The following SEMA3A variants were observed in gnomAD, a reference collection of about 807,000 sequenced individuals.
The protein encoded by SEMA3A is semaphorin-3A.
A neutral mutation model predicts 97.9 loss-of-function variants in SEMA3A; 29 were observed. The ratio of observed to expected loss-of-function variants is 0.30; its 90% CI spans 0.22 to 0.40. SEMA3A has a LOEUF of 0.40. Ranked by LOEUF, SEMA3A falls within the 10% of genes least tolerant of loss-of-function variation. SEMA3A has a pLI of 1.00. For synonymous variants in SEMA3A, 321 were observed against 323.7 expected, an observed-to-expected ratio of 0.99 and a Z score of 0.09; for missense variants, 763 against 951.3, an observed-to-expected ratio of 0.80 and a Z score of 2.60.
At chr7:84,069,593 T>C (rs1793666044) in intron 4 of SEMA3A, among the ~76,000 whole-genome samples, 1 of 152,090 alleles carries the variant, frequency 6.6e-6, no homozygotes, top group African/African-American at 2.4e-5. Flanking sequence ...GATGAGAAGA[T>C]AATTGAAAAG....
intron 7 of SEMA3A, among the ~76,000 whole-genome samples, chr7:84,013,231 C>G (rs1265249657): frequency 2.0e-5 from 3 of 152,152 alleles, no homozygotes; most frequent in Non-Finnish European, 4.4e-5. Context: ...TGCAGGAATA[C>G]TGCACTAGGC....
chr7:84,054,307 T>A (rs1332582135), intron 5 of SEMA3A, among the ~76,000 whole-genome samples: 1 of 152,262 alleles, frequency 6.6e-6, no homozygotes, highest in Non-Finnish European at 1.5e-5. Context: ...CTGCAGAGTG[T>A]TTTCCAACTT....
chr7:84,386,160 T>A (rs907294315), intron 1 of SEMA3A, among the ~76,000 whole-genome samples: 4 of 152,172 alleles, frequency 2.6e-5, no homozygotes, highest in Non-Finnish European at 5.9e-5. Context: ...TAAAATAACA[T>A]CTCACTTCTG....
At chr7:84,276,121 A>T (rs1195426207) in intron 3 of SEMA3A, among the ~76,000 whole-genome samples, 1 of 152,008 alleles carries the variant, frequency 6.6e-6, no homozygotes, top group African/African-American at 2.4e-5. Flanking sequence ...CTTGATATTT[A>T]CCCAACATCT....
intron 11 of SEMA3A, among the ~76,000 whole-genome samples, chr7:84,003,097 G>C (rs1486815933): frequency 1.3e-5 from 2 of 151,968 alleles, no homozygotes; most frequent in South Asian, 2.1e-4. Context: ...TGTCAACAAA[G>C]AATAAATTAT....
rs565194890 is a variant in SEMA3A at position 84,394,878 on chromosome 7, G to C, written c.-245-22978C>G. ...GGAAATAAATTAAAGCATTCACAAA[G>C]GTTAGAAACAGTGAAAGTGCAATCT... On this transcript the variant is annotated intron_variant, in intron 1 of 3. Transcript: ENST00000424555. Among the ~76,000 whole-genome samples, 9 of 152,140 alleles carry C rather than the reference G, an allele frequency of 5.9e-5. No individual in the cohort carries two copies. The South Asian group carries it at 1.9e-3, about 32-fold the overall frequency.
intron 15 of SEMA3A, among the ~76,000 whole-genome samples, chr7:83,976,919 T>C (rs1215085016): frequency 6.6e-6 from 1 of 152,140 alleles, no homozygotes; most frequent in East Asian, 1.9e-4. Context: ...AATTTTGAAT[T>C]TATCATCATA....
intron 3 of SEMA3A, among the ~76,000 whole-genome samples, chr7:84,276,064 T>C (rs2372167): frequency 0.74 from 112,823 of 151,868 alleles, 42,541 homozygotes; most frequent in African/African-American, 0.87. Context: ...CTCAGACTTG[T>C]CTTTTTCCAC....
At chr7:84,087,251 G>C (rs1020153853) in intron 4 of SEMA3A, among the ~76,000 whole-genome samples, 2 of 152,136 alleles carry the variant, frequency 1.3e-5, no homozygotes, top group African/African-American at 4.8e-5. Context: ...TTCATTAGAA[G>C]TGTGATTTTG....
intron 1 of SEMA3A, among the ~76,000 whole-genome samples, chr7:84,162,754 T>C (rs1367550229): frequency 1.3e-5 from 2 of 152,086 alleles, no homozygotes; most frequent in African/African-American, 2.4e-5. Context: ...TTAGAAGCAA[T>C]ACCTTGCTGA....
chr7:84,235,849 T>A (rs1039329211), intron 3 of SEMA3A, among the ~76,000 whole-genome samples: 3 of 152,100 alleles, frequency 2.0e-5, no homozygotes, highest in Non-Finnish European at 4.4e-5. Flanking sequence ...CATCTCAAGC[T>A]CTTTCACCAG....
chr7:84,108,389 G>A (rs1333937548), intron 4 of SEMA3A, among the ~76,000 whole-genome samples: 1 of 152,074 alleles, frequency 6.6e-6, no homozygotes. Context: ...ACTGTGCTAG[G>A]AGCAGTGGAA....
intron 4 of SEMA3A, among the ~76,000 whole-genome samples, chr7:84,103,519 T>TAA (rs1313965997): frequency 2.0e-5 from 3 of 152,202 alleles, no homozygotes; most frequent in Non-Finnish European, 4.4e-5. Context: ...GACTGAGAGA[T>TAA]AACTTACTGA....
intron 5 of SEMA3A, among the ~76,000 whole-genome samples, chr7:84,050,977 C>G (rs960235283): frequency 1.3e-5 from 2 of 151,618 alleles, no homozygotes; most frequent in East Asian, 1.9e-4. Flanking sequence ...ATCCTTTCCC[C>G]ATTGCTTGTT....
At chr7:84,147,265 T>C (rs748451710) in intron 1 of SEMA3A, among the ~76,000 whole-genome samples, 7 of 152,202 alleles carry the variant, frequency 4.6e-5, no homozygotes, top group African/African-American at 7.2e-5. Context: ...TACTTAAGAA[T>C]GATTTATTTA....
intron 6 of SEMA3A, among the ~76,000 whole-genome samples, chr7:84,023,937 G>A (rs536807579): frequency 4.6e-5 from 7 of 151,362 alleles, no homozygotes; most frequent in Admixed American, 2.0e-4. Flanking sequence ...GCGTGAACCC[G>A]GGAGGCGGAG....
At chr7:84,225,931 T>C (rs1798980825) in intron 3 of SEMA3A, among the ~76,000 whole-genome samples, 1 of 152,132 alleles carries the variant, frequency 6.6e-6, no homozygotes, top group South Asian at 2.1e-4. Flanking sequence ...GGATGCCAAG[T>C]TTAAACATTA....
At chr7:84,093,382 T>C (rs1794654695) in intron 4 of SEMA3A, among the ~76,000 whole-genome samples, 1 of 152,146 alleles carries the variant, frequency 6.6e-6, no homozygotes, top group South Asian at 2.1e-4. Context: ...AGAACATACA[T>C]AATGGTAGAC....
At chr7:84,269,462 C>T (rs1032646743) in intron 3 of SEMA3A, among the ~76,000 whole-genome samples, 4 of 150,160 alleles carry the variant, frequency 2.7e-5, no homozygotes, top group African/African-American at 9.7e-5. Flanking sequence ...AATTTTAGAG[C>T]TTATAGGGAC....
Sources: gnomAD v4.1 joint callset for allele counts (sites outside exome capture counted in the v4.1 genomes callset) on GRCh38, gnomAD v4.1.1 for gene constraint, MANE v1.5 for transcripts, NCBI Gene and HGNC (gene_info 2026-07-23, HGNC 2026-07-21) for gene names.